The following DDX21 variants were observed in gnomAD, a reference collection of about 807,000 sequenced individuals.
The protein encoded by DDX21 is nucleolar RNA helicase 2.
In DDX21, 18 loss-of-function variants were observed where a neutral mutation model predicts 90.0. That is an observed-to-expected ratio of 0.20 (90% CI 0.14 to 0.30). The LOEUF is 0.30. Ranked by LOEUF, DDX21 falls within the 10% of genes least tolerant of loss-of-function variation. The pLI is 1.00. For synonymous variants in DDX21, 294 were observed against 318.0 expected, an observed-to-expected ratio of 0.92 and a Z score of 0.80; for missense variants, 673 against 944.5, an observed-to-expected ratio of 0.71 and a Z score of 3.77.
Position 68,980,188 on chromosome 10 carries a change from C to T in DDX21, c.2037+1212C>T, listed in dbSNP as rs1198431524. Among the ~76,000 whole-genome samples, 6 of 151,974 alleles carry T rather than the reference C, an allele frequency of 3.9e-5. No homozygotes were observed. In the South Asian group the frequency reaches 6.2e-4, roughly 16 times the overall value. On this transcript the variant is annotated intron_variant, in intron 13 of 14. Transcript: ENST00000354185. ...CCGGGTGGCAGAGGTTGCGGTGAGC[C>T]GAGATCGCGCCATTACACTCCAGCT...
chr10:68,973,424 T>C, intron 9 of DDX21, 121 bp from the exon 10 acceptor site: 3 of 1,252,160 alleles, frequency 2.4e-6, no homozygotes, highest in Non-Finnish European at 3.4e-6. Flanking sequence ...CTAAGGGACC[T>C]TCTCCCTCAT....
intron 3 of DDX21, 55 bp from the exon 4 acceptor site, chr10:68,963,236 A>C: frequency 6.6e-7 from 1 of 1,523,704 alleles, no homozygotes; most frequent in African/African-American, 1.4e-5. Context: ...GTATGTCAGT[A>C]TGGCTAATGT....
chr10:68,978,486 GT>G (rs1205212941), intron 12 of DDX21, among the ~76,000 whole-genome samples: 1 of 152,150 alleles, frequency 6.6e-6, no homozygotes, highest in African/African-American at 2.4e-5. Flanking sequence ...ACTTTAGAAG[GT>G]GTATGCTTTT....
At chr10:68,969,999 G>A (rs1001961662) in intron 7 of DDX21, among the ~76,000 whole-genome samples, 2 of 152,212 alleles carry the variant, frequency 1.3e-5, no homozygotes, top group African/African-American at 4.8e-5. Flanking sequence ...GAGATGGGCA[G>A]ATCATGTTGC....
intron 10 of DDX21, among the ~76,000 whole-genome samples, chr10:68,974,142 G>A (rs1239312273): frequency 1.3e-5 from 2 of 152,304 alleles, no homozygotes; most frequent in Non-Finnish European, 2.9e-5. Flanking sequence ...GGACTTTACC[G>A]AGGAGAGATG....
At chr10:68,967,520 T>G (rs1842955793) in intron 6 of DDX21, among the ~76,000 whole-genome samples, 1 of 151,566 alleles carries the variant, frequency 6.6e-6, no homozygotes, top group East Asian at 1.9e-4. Flanking sequence ...GAAATTGGAA[T>G]GGGGCTCATT....
At position 68,962,378 on chromosome 10, in the gene DDX21, GCTCACA is replaced by G. The variant is rs1250852292; in HGVS notation, c.607+223_607+228del. 6.6e-5 allele frequency among the ~76,000 whole-genome samples: 10 copies of G among 152,278 alleles called. No homozygotes were observed. The South Asian group carries it at 1.0e-3, about 16-fold the overall frequency. On this transcript the variant is annotated intron_variant, in intron 3 of 14. Coordinates refer to ENST00000354185, the MANE Select transcript of DDX21 (RefSeq NM_004728.4). ...AAGCTTTTTCAGGCCCTCTGTGGTG[GCTCACA>G]CCTGTAATTGATTGAGGCCAGGAGT...
chr10:68,970,575 A>C (rs1355400861), intron 8 of DDX21, among the ~76,000 whole-genome samples: 1 of 148,856 alleles, frequency 6.7e-6, no homozygotes, highest in African/African-American at 2.5e-5. Context: ...CTGCCTCCTG[A>C]GTTCAAGTGA....
At position 68,970,308 on chromosome 10, in the gene DDX21, G is replaced by A. The variant is rs1244850114; in HGVS notation, c.1344G>A (p.Lys448=). The A allele has an allele frequency of 1.2e-6, 2 of 1,613,948 alleles. No homozygotes were observed. The highest frequency in any genetic ancestry group is 2.2e-5 in the East Asian group (1 of 44,888). The change falls in exon 8 of 15, where the codon AAG becomes AAA. Residue 448 remains lysine, a synonymous_variant. Transcript: ENST00000354185. ...QGRTIIFCET[K]KEAQELSQNS... ...GCACTATCATCTTTTGTGAAACCAA[G>A]AAAGAAGCCCAGGAGCTGTCCCAGA...
At chr10:68,980,827 T>C (rs1843175520) in intron 13 of DDX21, among the ~76,000 whole-genome samples, 1 of 91,414 alleles carries the variant, frequency 1.1e-5, no homozygotes, top group African/African-American at 5.4e-5. Flanking sequence ...AGACCCTGTC[T>C]CTACCAAAAA....
At chr10:68,976,939 C>A (rs1242043219) in intron 11 of DDX21, among the ~76,000 whole-genome samples, 4 of 151,740 alleles carry the variant, frequency 2.6e-5, no homozygotes, top group East Asian at 1.9e-4. Context: ...TTTCTTATTT[C>A]TTTTATTTTC....
Position 68,956,685 on chromosome 10 carries a change from G to A in DDX21, c.87+373G>A, listed in dbSNP as rs1564623943. The A allele has an allele frequency of 2.8e-6, 3 of 1,072,994 alleles. No individual in the cohort carries two copies. In the South Asian group the frequency reaches 8.3e-5, roughly 30 times the overall value. 66.5% of individuals were successfully genotyped at this position (1,072,994 alleles called of 1,614,324 possible). On this transcript the variant is annotated intron_variant, in intron 1 of 14. Transcript: ENST00000354185. ...AGTTGGACCTTCAGTCAGGCTCCAC[G>A]TTGTTGGCTAAGACAGAACTCCCGG... is the stretch of plus-strand genomic sequence containing the variant.
chr10:68,960,271 T>C (rs1474271802), intron 2 of DDX21, 22 bp downstream of exon 2: 1 of 1,566,856 alleles, frequency 6.4e-7, no homozygotes. Flanking sequence ...CTTCATTGGG[T>C]AGAAGATATC....
intron 3 of DDX21, among the ~76,000 whole-genome samples, chr10:68,962,536 A>G (rs1481251363): frequency 6.6e-6 from 1 of 152,200 alleles, no homozygotes; most frequent in Non-Finnish European, 1.5e-5. Flanking sequence ...AGATCGCTTG[A>G]GCCCAGGAGT....
intron 1 of DDX21, 109 bp from the exon 2 acceptor site, chr10:68,959,697 G>T (rs1842847781): frequency 1.1e-6 from 1 of 872,238 alleles, no homozygotes; most frequent in Non-Finnish European, 1.6e-6. Flanking sequence ...CCCCAAAATT[G>T]TATTTTTTAA....
At chr10:68,957,193 C>A (rs1254004594) in intron 1 of DDX21, among the ~76,000 whole-genome samples, 1 of 152,168 alleles carries the variant, frequency 6.6e-6, no homozygotes, top group Non-Finnish European at 1.5e-5. Context: ...GAGAAGATGA[C>A]GTAATTCAGT....
chr10:68,984,067 T>A lies in DDX21; in HGVS notation c.*1255T>A, dbSNP rs1843233557. 1 of 152,218 alleles carries A rather than the reference T, an allele frequency of 6.6e-6. No homozygotes were observed. Among genetic ancestry groups the A allele is most frequent in the African/African-American group, 2.4e-5 (1 of 41,460 alleles). 9.4% of individuals were successfully genotyped at this position (152,218 alleles called of 1,614,324 possible). A position where few individuals can be genotyped will look rare whatever the true frequency, so the allele number is the denominator to read the frequency against. On this transcript the variant is annotated 3_prime_UTR_variant, in exon 15 of 15. Coordinates refer to ENST00000354185, the MANE Select transcript of DDX21 (RefSeq NM_004728.4). ...GCCCCTGGCCAGATAACTGCCTGAT[T>A]TCTCAGATATTATTTCTCTGGGAAA... is the stretch of plus-strand genomic sequence containing the variant.
At position 68,982,523 on chromosome 10, in the gene DDX21, A is replaced by T. The variant is rs781375968; in HGVS notation, c.2083-20A>T. On this transcript the variant is annotated intron_variant, in intron 14 of 14. Transcript: ENST00000354185. ...TGAATACTAATTAAAGCACACAAAA[A>T]CAAAACATTCTCTCAACAGGAGAAA... 4 of 1,584,376 alleles carry T rather than the reference A, an allele frequency of 2.5e-6. No individual in the cohort carries two copies. In the Admixed American group the frequency reaches 7.2e-5, roughly 29 times the overall value.
rs749769895 is a variant in DDX21, at chr10:68,967,046, C to T, written c.933C>T (p.Ile311=). ...AACGCATGAGGAATGGGATTGATAT[C>T]CTGGTTGGAACACCAGGTCGTATCA... The part of the protein sequence containing the change: ...QFERMRNGID[I]LVGTPGRIKD... The change falls in exon 6 of 15, where the codon ATC becomes ATT. Residue 311 remains isoleucine (I), a synonymous_variant. Coordinates refer to ENST00000354185, the MANE Select transcript of DDX21 (RefSeq NM_004728.4). 3 of 1,609,578 alleles carry T rather than the reference C, an allele frequency of 1.9e-6. No individual in the cohort carries two copies. The Admixed American group carries it at 5.0e-5, about 27-fold the overall frequency.
Sources: allele counts gnomAD v4.1 joint callset (sites outside exome capture counted in the v4.1 genomes callset), GRCh38; gene constraint gnomAD v4.1.1; transcripts MANE v1.5; gene names NCBI Gene and HGNC (gene_info 2026-07-23, HGNC 2026-07-21).